The following GNAS variants were observed in gnomAD, a reference collection of about 807,000 sequenced individuals.
GNAS encodes the protein GNAS complex locus, also known as protein ALEX.
Under a neutral mutation model 54.5 loss-of-function variants are expected in GNAS, and 8 were observed. The ratio of observed to expected loss-of-function variants is 0.15; its 90% CI spans 0.09 to 0.26. The LOEUF (loss-of-function observed/expected upper bound fraction) is 0.26. Ranked by LOEUF, GNAS falls within the 10% of genes least tolerant of loss-of-function variation. The pLI is 1.00. For missense variants in GNAS, 170 were observed against 529.8 expected (o/e 0.32, Z 6.67); for synonymous variants, 204 against 191.4 (o/e 1.07, Z -0.54).
At chr20:58,859,756 A>G (rs2086686277) in intron 1 of GNAS, among the ~76,000 whole-genome samples, 2 of 151,478 alleles carry the variant, frequency 1.3e-5, no homozygotes, top group Admixed American at 1.3e-4. Context: ...CCTCCTGAGT[A>G]GCTAGGATTA....
chr20:58,846,238 TAAAG>T (rs2085935950), intron 1 of GNAS, among the ~76,000 whole-genome samples: 1 of 152,066 alleles, frequency 6.6e-6, no homozygotes, highest in Non-Finnish European at 1.5e-5. Flanking sequence ...TTTGAAGGAA[TAAAG>T]AGAGTCTTGA....
intron 1 of GNAS, among the ~76,000 whole-genome samples, chr20:58,849,330 T>A (rs2086060318): frequency 6.6e-6 from 1 of 152,284 alleles, no homozygotes; most frequent in African/African-American, 2.4e-5. Flanking sequence ...ATCTCTCCCT[T>A]CTGAGTCCTC....
chr20:58,906,020 A>T (rs564119565), intron 6 of GNAS, among the ~76,000 whole-genome samples: 1 of 152,086 alleles, frequency 6.6e-6, no homozygotes, highest in Admixed American at 6.6e-5. Flanking sequence ...TGTTGTCTTG[A>T]CTTTTGAACT....
chr20:58,903,034 G>C (rs1005114827), intron 3 of GNAS: 1 of 241,816 alleles, frequency 4.1e-6, no homozygotes, highest in Non-Finnish European at 8.2e-6. Flanking sequence ...CCGCACCCGG[G>C]CTCCTGTAAT....
chr20:58,890,197 T>TGAAGAA (rs369104721), upstream of GNAS, among the ~76,000 whole-genome samples: 30 of 151,148 alleles, frequency 2.0e-4, no homozygotes, highest in Non-Finnish European at 3.1e-4. Flanking sequence ...GAGAAGATGC[T>TGAAGAA]GAAGAAGAAG....
intron 1 of GNAS, among the ~76,000 whole-genome samples, chr20:58,847,716 TG>T (rs1224606349): frequency 1.3e-5 from 2 of 152,208 alleles, no homozygotes; most frequent in Admixed American, 1.3e-4. Context: ...AAAAAAATAC[TG>T]TTTTTCGTGG....
intron 1 of GNAS, chr20:58,850,424 G>A (rs1193824869): frequency 1.8e-5 from 7 of 397,438 alleles, no homozygotes; most frequent in East Asian, 1.4e-4. Context: ...CCCGTTCCTC[G>A]ACAAATGGTA....
rs1400436281 is a variant in GNAS at position 58,910,610 on chromosome 20, A to G, written c.1039-73A>G. 6.6e-7 allele frequency: 1 copy of G among 1,520,918 alleles called. No homozygotes were observed. The highest frequency in any genetic ancestry group is 9.1e-7 in the Non-Finnish European group (1 of 1,096,048). 94.2% of individuals were successfully genotyped at this position (1,520,918 alleles called of 1,614,324 possible). ...AGGCTGGCTGACAGCCGTCCCTGGT[A>G]GGTGTCCCCATCAGGGATAGGGTGG... On this transcript the variant is annotated intron_variant, in intron 12 of 12. Transcript: ENST00000371085. This position sits in a 1 kb window ranked among gnomAD's most constrained non-coding sequence, Gnocchi z 5.8.
In GNAS at chr20:58,898,962, G is replaced by A. The variant is rs907698375; in HGVS notation, c.234G>A (p.Gln78=). The part of the protein sequence containing the change: ...FNGEGGEEDP[Q]AARSNSDGEK... ...AAAGGGGCGGCGAAGAGGACCCGCA[G>A]GCTGCAAGGAGCAACAGCGATGGGT... is the stretch of plus-strand genomic sequence containing the variant. Residue 78 remains glutamine, a synonymous_variant, in exon 3 of 13, where the codon CAG becomes CAA. Coordinates refer to ENST00000371085, the MANE Select transcript of GNAS (RefSeq NM_000516.7). 6.2e-7 allele frequency: 1 copy of A among 1,613,872 alleles called. No homozygotes were observed. The highest frequency in any genetic ancestry group is 8.5e-7 in the Non-Finnish European group (1 of 1,179,876).
upstream of GNAS, chr20:58,888,953 C>T: frequency 2.4e-6 from 1 of 420,098 alleles, no homozygotes; most frequent in Non-Finnish European, 3.2e-6. Context: ...GGCGCGCCCG[C>T]GCCCCCCGCC....
intron 1 of GNAS, among the ~76,000 whole-genome samples, chr20:58,877,455 G>A (rs2087900086): frequency 6.6e-6 from 1 of 152,180 alleles, no homozygotes. Context: ...TCTCCTAGTT[G>A]TGCTCTGCTC....
Position 58,853,923 on chromosome 20 carries a change from C to A in GNAS, c.43+13037C>A, listed in dbSNP as rs959738522. On this transcript the variant is annotated intron_variant, in intron 1 of 12. Transcript: ENST00000306090. This position sits in a 1 kb window ranked among gnomAD's most constrained non-coding sequence, Gnocchi z 4.4. The stretch of plus-strand genomic sequence containing the variant: ...CTCCAGAGGAGGCTACAGCCCTCCC[C>A]CTGAGGAGACTATGCCATTTGAGCT... 1 of 1,610,426 alleles carries A rather than the reference C, an allele frequency of 6.2e-7. No individual in the cohort carries two copies. Among genetic ancestry groups the A allele is most frequent in the African/African-American group, 1.3e-5 (1 of 74,902 alleles).
intron 1 of GNAS, among the ~76,000 whole-genome samples, chr20:58,861,608 C>A (rs2086785139): frequency 6.6e-6 from 1 of 152,102 alleles, no homozygotes; most frequent in Non-Finnish European, 1.5e-5. Context: ...TCCTAAGTGG[C>A]CTTTATGCAA....
rs771863353 is a variant in GNAS, at chr20:58,853,343, C to G, written c.43+12457C>G. The G allele has an allele frequency of 1.2e-5, 19 of 1,551,216 alleles. No homozygotes were observed. The highest frequency in any genetic ancestry group is 1.6e-5 in the Non-Finnish European group (18 of 1,147,356). On this transcript the variant is annotated intron_variant, in intron 1 of 12. Transcript: ENST00000306090. This position sits in a 1 kb window ranked among gnomAD's most constrained non-coding sequence, Gnocchi z 4.4. The stretch of plus-strand genomic sequence containing the variant: ...TCCCCCCTGAAATCGGGGAACAGCC[C>G]GAGCAACCACCTTTGGAGGCCCCAG...
chr20:58,891,145 C>CCCCGG (rs1307074306), upstream of GNAS, among the ~76,000 whole-genome samples: 124 of 148,056 alleles, frequency 8.4e-4, no homozygotes, highest in African/African-American at 2.7e-3. Flanking sequence ...GGGGGCGTCT[C>CCCCGG]CCCGGCCCGT....
At chr20:58,893,793 A>G (rs369276391) in intron 1 of GNAS, among the ~76,000 whole-genome samples, 14 of 152,388 alleles carry the variant, frequency 9.2e-5, no homozygotes, top group African/African-American at 2.2e-4. Flanking sequence ...TGTGAATGCT[A>G]TCTCAGTACT....
upstream of GNAS, chr20:58,840,160 C>T: frequency 6.2e-7 from 1 of 1,611,748 alleles, no homozygotes; most frequent in Non-Finnish European, 8.5e-7. The surrounding 1 kb of genome is among the most constrained non-coding windows in gnomAD (Gnocchi z 6.0). Context: ...ATAATTACAA[C>T]GACCTGTGCC....
Position 58,910,886 on chromosome 20 carries a change from G to A in GNAS, c.*57G>A, listed in dbSNP as rs140173354. ...AAGCACAATTAATTAAAAGTGAAAC[G>A]TAATTGTACAAGCAGTTAATCACCC... On this transcript the variant is annotated 3_prime_UTR_variant, in exon 13 of 13. Coordinates refer to ENST00000371085, the MANE Select transcript of GNAS (RefSeq NM_000516.7). The surrounding 1 kb of genome is among the most constrained non-coding windows in gnomAD (Gnocchi z 5.8). 40 of 1,523,534 alleles carry A rather than the reference G, an allele frequency of 2.6e-5. No individual in the cohort carries two copies. The highest frequency in any genetic ancestry group is 1.7e-4 in the Middle Eastern group (1 of 5,890). 94.4% of individuals were successfully genotyped at this position (1,523,534 alleles called of 1,614,324 possible). A position where few individuals can be genotyped will look rare whatever the true frequency, so the allele number is the denominator to read the frequency against.
intron 1 of GNAS, among the ~76,000 whole-genome samples, chr20:58,872,756 CAG>C (rs148245613): frequency 0.015 from 2,322 of 151,944 alleles, 65 homozygotes; most frequent in African/African-American, 0.053. Context: ...GGGTGGGGGG[CAG>C]AGAGAGAACA....
Sources: allele counts gnomAD v4.1 joint callset (sites outside exome capture counted in the v4.1 genomes callset), GRCh38; gene constraint gnomAD v4.1.1; non-coding constraint Gnocchi (gnomAD v3.1); transcripts MANE v1.5; gene names NCBI Gene and HGNC (gene_info 2026-07-23, HGNC 2026-07-21).